KIRREL3: variants seen among roughly 807,000 people sequenced by gnomAD.
The protein encoded by KIRREL3 is kin of IRRE-like protein 3.
Under a neutral mutation model 89.7 loss-of-function variants are expected in KIRREL3, and 36 were observed. The observed-to-expected ratio is 0.40, with a 90% CI of 0.31 to 0.53. The LOEUF (loss-of-function observed/expected upper bound fraction) is 0.53, where lower values mean the gene tolerates loss of function less well. Ranked by LOEUF, KIRREL3 falls within the 20% of genes least tolerant of loss-of-function variation. The probability of loss-of-function intolerance (pLI) is 0.49; values close to 1 mark genes in which losing one functional copy is unlikely to be tolerated. For missense variants in KIRREL3, 864 were observed against 1,056.6 expected (o/e 0.82, Z 2.53); for synonymous variants, 445 against 441.4 (o/e 1.01, Z -0.10).
chr11:126,772,914 G>C lies in KIRREL3; in HGVS notation c.56-210002C>G, dbSNP rs546830688. 6.6e-6 allele frequency among the ~76,000 whole-genome samples: 1 copy of C among 152,260 alleles called. No individual in the cohort carries two copies. The highest frequency in any genetic ancestry group is 2.4e-5 in the African/African-American group (1 of 41,552). On this transcript the variant is annotated intron_variant, in intron 1 of 16. Coordinates refer to ENST00000525144, the MANE Select transcript of KIRREL3 (RefSeq NM_032531.4). The surrounding 1 kb of genome is among the most constrained non-coding windows in gnomAD (Gnocchi z 4.6). Reference sequence around the variant, plus strand: ...CAACAATCTCCCCAGTGATTCTTACGGACATCAGGACTGAGGTCCTGGGGT... The same window carrying C: ...CAACAATCTCCCCAGTGATTCTTACCGACATCAGGACTGAGGTCCTGGGGT...
chr11:126,595,077 G>A (rs1942331791), intron 1 of KIRREL3, among the ~76,000 whole-genome samples: 1 of 152,254 alleles, frequency 6.6e-6, no homozygotes, highest in African/African-American at 2.4e-5. Context: ...ATGCAGCTGT[G>A]GGGATGGTGA....
rs1320751505 is a variant in KIRREL3 at position 126,860,077 on chromosome 11, A to G, written c.55+140378T>C. ...GAAAGGGGACAGACATTTTTGACCA[A>G]TAGATTAAGTAGCAGGAATTCAGGA... On this transcript the variant is annotated intron_variant, in intron 1 of 16. Coordinates refer to ENST00000525144, the MANE Select transcript of KIRREL3 (RefSeq NM_032531.4). The surrounding 1 kb of genome is among the most constrained non-coding windows in gnomAD (Gnocchi z 4.6). Among the ~76,000 whole-genome samples, 1 of 152,196 alleles carries G rather than the reference A, an allele frequency of 6.6e-6. No individual in the cohort carries two copies. The highest frequency in any genetic ancestry group is 1.5e-5 in the Non-Finnish European group (1 of 68,036).
rs1950216008 is a variant in KIRREL3, at chr11:126,997,720, G to A, written c.55+2735C>T. On this transcript the variant is annotated intron_variant, in intron 1 of 16. Coordinates refer to ENST00000525144, the MANE Select transcript of KIRREL3 (RefSeq NM_032531.4). This position sits in a 1 kb window ranked among gnomAD's most constrained non-coding sequence, Gnocchi z 4.3. ...ATTTGTATCTTGAGAGCACTGCTTG[G>A]AGCACTCTCTCTGCACGGGGACCAA... Among the ~76,000 whole-genome samples the A allele has an allele frequency of 1.3e-5, 2 of 152,188 alleles. No homozygotes were observed. Among genetic ancestry groups the A allele is most frequent in the Admixed American group, 1.3e-4 (2 of 15,276 alleles).
rs1950193850 is a variant in KIRREL3, at chr11:126,996,917, CA to C, written c.55+3537del. 6.6e-6 allele frequency among the ~76,000 whole-genome samples: 1 copy of C among 152,186 alleles called. No homozygotes were observed. The highest frequency in any genetic ancestry group is 2.4e-5 in the African/African-American group (1 of 41,456). ...GCAGGACAGGACGCTCTAGGAATGC[CA>C]GAGCAAAATGCCAGAGAGTAGGGAA... On this transcript the variant is annotated intron_variant, in intron 1 of 16. Coordinates refer to ENST00000525144, the MANE Select transcript of KIRREL3 (RefSeq NM_032531.4). This position sits in a 1 kb window ranked among gnomAD's most constrained non-coding sequence, Gnocchi z 4.7.
At position 126,607,840 on chromosome 11, in the gene KIRREL3, A is replaced by G. The variant is rs1942951092; in HGVS notation, c.56-44928T>C. 6.6e-6 allele frequency among the ~76,000 whole-genome samples: 1 copy of G among 152,162 alleles called. No individual in the cohort carries two copies. Among genetic ancestry groups the G allele is most frequent in the Admixed American group, 6.5e-5 (1 of 15,274 alleles). On this transcript the variant is annotated intron_variant, in intron 1 of 16. Coordinates refer to ENST00000525144, the MANE Select transcript of KIRREL3 (RefSeq NM_032531.4). The surrounding 1 kb of genome is among the most constrained non-coding windows in gnomAD (Gnocchi z 6.6). ...TAGGGAGCGTTGCTGAGCACTTGCA[A>G]TCAAGACAGAGTTGCCACCCACTGC...
At chr11:126,848,532 A>G (rs1428746803) in intron 1 of KIRREL3, among the ~76,000 whole-genome samples, 1 of 152,206 alleles carries the variant, frequency 6.6e-6, no homozygotes, top group East Asian at 1.9e-4. Context: ...TAATGTAAAA[A>G]TCTGGATTGG....
intron 1 of KIRREL3, among the ~76,000 whole-genome samples, chr11:126,599,867 CTT>C (rs1942573693): frequency 6.6e-6 from 1 of 152,214 alleles, no homozygotes; most frequent in South Asian, 2.1e-4. Context: ...GGGGACTTAA[CTT>C]GACAGCCAAG....
chr11:126,887,196 A>T (rs1945731939), intron 1 of KIRREL3, among the ~76,000 whole-genome samples: 1 of 152,192 alleles, frequency 6.6e-6, no homozygotes, highest in Non-Finnish European at 1.5e-5. Flanking sequence ...TTGAGGTATC[A>T]TGTCATCTGC....
Position 126,903,034 on chromosome 11 carries a change from A to C in KIRREL3, c.55+97421T>G, listed in dbSNP as rs2134851606. On this transcript the variant is annotated intron_variant, in intron 1 of 16. Coordinates refer to ENST00000525144, the MANE Select transcript of KIRREL3 (RefSeq NM_032531.4). The surrounding 1 kb of genome is among the most constrained non-coding windows in gnomAD (Gnocchi z 4.5). The stretch of plus-strand genomic sequence containing the variant: ...CGTCCTATGACCTTGTGAAAGAAGC[A>C]AAAAATAGCATCATTTACTCAGCAG... Among the ~76,000 whole-genome samples, 1 of 152,330 alleles carries C rather than the reference A, an allele frequency of 6.6e-6. No homozygotes were observed. Among genetic ancestry groups the C allele is most frequent in the African/African-American group, 2.4e-5 (1 of 41,570 alleles).
chr11:126,940,258 A>G lies in KIRREL3; in HGVS notation c.55+60197T>C, dbSNP rs924137520. Among the ~76,000 whole-genome samples the G allele has an allele frequency of 3.9e-5, 6 of 152,232 alleles. No individual in the cohort carries two copies. Among genetic ancestry groups the G allele is most frequent in the Non-Finnish European group, 7.3e-5 (5 of 68,044 alleles). ...TCATAACTCATTTAACATTGAGCCT[A>G]TATCTTTTTAAATATATCCTTTTTT... On this transcript the variant is annotated intron_variant, in intron 1 of 16. Transcript: ENST00000525144. The surrounding 1 kb of genome is among the most constrained non-coding windows in gnomAD (Gnocchi z 4.6).
intron 1 of KIRREL3, among the ~76,000 whole-genome samples, chr11:126,861,160 T>G (rs1215749987): frequency 6.6e-6 from 1 of 152,228 alleles, no homozygotes; most frequent in Non-Finnish European, 1.5e-5. Context: ...AAAATTAATT[T>G]ACCTCTTTGA....
Position 126,587,367 on chromosome 11 carries a change from A to G in KIRREL3, c.56-24455T>C, listed in dbSNP as rs1057056479. The stretch of plus-strand genomic sequence containing the variant: ...TGGCCTGGAGCAGAGCTGCAGGGGA[A>G]GCTGTGAGGCATGAGGCAGAGAGGT... On this transcript the variant is annotated intron_variant, in intron 1 of 16. Coordinates refer to ENST00000525144, the MANE Select transcript of KIRREL3 (RefSeq NM_032531.4). This position sits in a 1 kb window ranked among gnomAD's most constrained non-coding sequence, Gnocchi z 5.2. Among the ~76,000 whole-genome samples the G allele has an allele frequency of 2.0e-5, 3 of 152,144 alleles. No homozygotes were observed. The highest frequency in any genetic ancestry group is 7.2e-5 in the African/African-American group (3 of 41,436).
At chr11:126,552,300 G>A (rs549301795) in intron 2 of KIRREL3, among the ~76,000 whole-genome samples, 2 of 152,218 alleles carry the variant, frequency 1.3e-5, no homozygotes, top group Admixed American at 6.5e-5. Flanking sequence ...ATTCATACCC[G>A]GGAAGGTTAC....
In KIRREL3 at chr11:126,485,167, A is replaced by G. The variant is rs1181604817; in HGVS notation, c.434-11701T>C. 2.0e-5 allele frequency among the ~76,000 whole-genome samples: 3 copies of G among 152,174 alleles called. No homozygotes were observed. The highest frequency in any genetic ancestry group is 7.2e-5 in the African/African-American group (3 of 41,452). ...TGGCATCCGATATATTTGGCAGCACAATCGCACAGACGTGTCTCCAAGGAG... is the reference window on the plus strand; with the variant it reads ...TGGCATCCGATATATTTGGCAGCACGATCGCACAGACGTGTCTCCAAGGAG... On this transcript the variant is annotated intron_variant, in intron 4 of 16. Coordinates refer to ENST00000525144, the MANE Select transcript of KIRREL3 (RefSeq NM_032531.4). This position sits in a 1 kb window ranked among gnomAD's most constrained non-coding sequence, Gnocchi z 5.8.
chr11:126,851,816 T>A (rs187440115), intron 1 of KIRREL3, among the ~76,000 whole-genome samples: 1 of 152,312 alleles, frequency 6.6e-6, no homozygotes, highest in East Asian at 1.9e-4. Context: ...ATCATTTCTC[T>A]GAGCTCCCTG....
intron 1 of KIRREL3, among the ~76,000 whole-genome samples, chr11:126,816,208 A>G (rs925183771): frequency 1.3e-5 from 2 of 152,258 alleles, no homozygotes; most frequent in Non-Finnish European, 2.9e-5. Flanking sequence ...AATTATCACT[A>G]GTGCTACATG....
rs531096306 is a variant in KIRREL3 at position 126,469,159 on chromosome 11, G to A, written c.591+4150C>T. 7.6e-4 allele frequency among the ~76,000 whole-genome samples: 116 copies of A among 152,320 alleles called. 1 individual carries two copies. The highest frequency in any genetic ancestry group is 1.2e-3 in the Non-Finnish European group (85 of 68,022). On this transcript the variant is annotated intron_variant, in intron 5 of 16. Transcript: ENST00000525144. ...GGGAGGCACGGCAAGGTGAGGTCAC[G>A]CAGCTGGAAGGTGGCAGAGCCCGGA...
intron 1 of KIRREL3, among the ~76,000 whole-genome samples, chr11:126,820,374 G>T (rs1943168600): frequency 6.6e-6 from 1 of 152,102 alleles, no homozygotes; most frequent in Non-Finnish European, 1.5e-5. Context: ...TGCAGGAAAA[G>T]ATACACGCAT....
At chr11:126,749,642 C>CT (rs953851905) in intron 1 of KIRREL3, among the ~76,000 whole-genome samples, 3 of 125,096 alleles carry the variant, frequency 2.4e-5, no homozygotes, top group African/African-American at 7.8e-5. Context: ...AAAAGTCCCT[C>CT]TTAAAAAAAA....
Sources: gnomAD v4.1 joint callset for allele counts (sites outside exome capture counted in the v4.1 genomes callset) on GRCh38, gnomAD v4.1.1 for gene constraint, Gnocchi (gnomAD v3.1) non-coding constraint, MANE v1.5 for transcripts, NCBI Gene and HGNC (gene_info 2026-07-23, HGNC 2026-07-21) for gene names.